Variants in SLC7A10 observed in about 807,000 individuals in gnomAD.
SLC7A10 encodes asc-type amino acid transporter 1.
A neutral mutation model predicts 52.7 loss-of-function variants in SLC7A10; 30 were observed. That is an observed-to-expected ratio of 0.57 (90% CI 0.43 to 0.77). The LOEUF is 0.77. SLC7A10 is among the 30% of genes least tolerant of loss of function. SLC7A10 has a pLI of 0.00. For missense variants in SLC7A10, 581 were observed against 698.5 expected, an observed-to-expected ratio of 0.83 and a Z score of 1.90; for synonymous variants, 318 against 314.9, an observed-to-expected ratio of 1.01 and a Z score of -0.10.
At chr19:33,218,476 T>C (rs1205720784) in intron 1 of SLC7A10, among the ~76,000 whole-genome samples, 4 of 151,738 alleles carry the variant, frequency 2.6e-5, no homozygotes, top group African/African-American at 7.3e-5. Context: ...TGTTTGAAGG[T>C]GGCAGAAAAT....
At chr19:33,215,021 C>CT (rs1974638051) in intron 2 of SLC7A10, among the ~76,000 whole-genome samples, 2 of 152,218 alleles carry the variant, frequency 1.3e-5, no homozygotes, top group South Asian at 4.1e-4. Context: ...AATCCTAGCA[C>CT]TTGGGAGGCT....
chr19:33,212,056 T>C (rs909548544), intron 5 of SLC7A10: 3 of 609,624 alleles, frequency 4.9e-6, no homozygotes, highest in Non-Finnish European at 5.8e-6. Flanking sequence ...ATGATGATAT[T>C]CAGCCTTTCT....
rs2303094 is a variant in SLC7A10, at chr19:33,209,375, C to T, written c.1374G>A (p.Thr458=). The stretch of plus-strand genomic sequence containing the variant: ...CTCCCAGAAAGAAAATGGGCACCCC[C>T]GTAAGGATGATGATGACGCCGACCC... ...VCGVGVIIIL[T]GVPIFFLGVF... Residue 458 remains threonine, a synonymous_variant, in exon 10 of 11, where the codon ACG becomes ACA. Coordinates refer to ENST00000253188, the MANE Select transcript of SLC7A10 (RefSeq NM_019849.3). 4.2e-5 allele frequency: 68 copies of T among 1,613,950 alleles called. No individual in the cohort carries two copies. Among genetic ancestry groups the T allele is most frequent in the Non-Finnish European group, 4.8e-5 (57 of 1,179,990 alleles).
chr19:33,215,199 C>A (rs1012611622), intron 2 of SLC7A10, among the ~76,000 whole-genome samples: 1 of 146,566 alleles, frequency 6.8e-6, no homozygotes, highest in African/African-American at 2.6e-5. Context: ...ACCTGGGAGG[C>A]AGAGGTTGCA....
rs2145473090 is a variant in SLC7A10, at chr19:33,211,715, C to A, written c.789-178G>T. ...GGACCCTGTTGTCTGCCCTGCCCCA[C>A]CCCCACCTGGACACAGGCTGGTAGG... On this transcript the variant is annotated intron_variant, in intron 5 of 10. Transcript: ENST00000253188. The A allele has an allele frequency of 2.5e-6, 3 of 1,204,078 alleles. No homozygotes were observed. In the East Asian group the frequency reaches 7.7e-5, roughly 31 times the overall value. 74.6% of individuals were successfully genotyped at this position (1,204,078 alleles called of 1,614,324 possible).
At chr19:33,212,669 A>G (rs1974581746) in intron 3 of SLC7A10, 30 bp from the exon 4 acceptor site, 1 of 1,613,230 alleles carries the variant, frequency 6.2e-7, no homozygotes, top group Non-Finnish European at 8.5e-7. Flanking sequence ...GTGGGCGCCG[A>G]GGCCGGGACC....
At chr19:33,212,055 T>C (rs186810933) in intron 5 of SLC7A10, 536 of 608,586 alleles carry the variant, frequency 8.8e-4, no homozygotes, top group Non-Finnish European at 1.3e-3. Flanking sequence ...GATGATGATA[T>C]TCAGCCTTTC....
chr19:33,222,524 A>G (rs1303392649), intron 1 of SLC7A10, among the ~76,000 whole-genome samples: 3 of 152,052 alleles, frequency 2.0e-5, no homozygotes. Flanking sequence ...AACAGAGCCC[A>G]AATCTGGTTC....
chr19:33,212,001 A>T, intron 5 of SLC7A10: 1 of 544,494 alleles, frequency 1.8e-6, no homozygotes, highest in South Asian at 2.1e-5. Context: ...GTGTATATGC[A>T]TAATTTTAGG....
chr19:33,225,758 C>T lies in SLC7A10; in HGVS notation c.-55G>A, dbSNP rs2145499945. On this transcript the variant is annotated 5_prime_UTR_variant, in exon 1 of 11. Coordinates refer to ENST00000253188, the MANE Select transcript of SLC7A10 (RefSeq NM_019849.3). ...GCGCTGCCCCGTCTGTCCGGCCGGC[C>T]GCCCGTCGGTCCGTCGGTCCGTGAG... is the stretch of plus-strand genomic sequence containing the variant. The T allele has an allele frequency of 1.4e-6, 2 of 1,448,280 alleles. No individual in the cohort carries two copies. Among genetic ancestry groups the T allele is most frequent in the East Asian group, 3.0e-5 (1 of 32,966 alleles). The allele number at this position is 1,448,280 out of a possible 1,614,324, so 89.7% of individuals were successfully genotyped here.
chr19:33,209,083 C>G (rs772303724), intron 10 of SLC7A10, 62 bp from the exon 11 acceptor site: 5 of 1,607,334 alleles, frequency 3.1e-6, no homozygotes, highest in Non-Finnish European at 4.2e-6. Flanking sequence ...CCCCCAGCTC[C>G]GGACACCTCC....
intron 5 of SLC7A10, 90 bp downstream of exon 5, chr19:33,212,202 C>A: frequency 6.5e-7 from 1 of 1,538,532 alleles, no homozygotes; most frequent in Non-Finnish European, 8.8e-7. Flanking sequence ...CAGCCCGAGC[C>A]TTGGGTGGCA....
intron 2 of SLC7A10, among the ~76,000 whole-genome samples, chr19:33,215,284 AAAAG>A (rs1325771358): frequency 7.7e-6 from 1 of 130,654 alleles, no homozygotes; most frequent in African/African-American, 2.7e-5. Flanking sequence ...AAAAAAAAAA[AAAAG>A]GACCTTATGC....
chr19:33,225,529 C>T lies in SLC7A10; in HGVS notation c.151+24G>A, dbSNP rs754501103. ...CCCCTCATTCGGCCTCCGCCCGGCG[C>T]CCGCCCGCCTGGGTCCCGCTCACCG... On this transcript the variant is annotated intron_variant, in intron 1 of 10. Coordinates refer to ENST00000253188, the MANE Select transcript of SLC7A10 (RefSeq NM_019849.3). The T allele has an allele frequency of 6.3e-6, 10 of 1,594,728 alleles. 1 individual carries two copies. The South Asian group carries it at 1.1e-4, about 18-fold the overall frequency.
chr19:33,212,306 C>T lies in SLC7A10; in HGVS notation c.774G>A (p.Met258Ile). Residue 258 changes from methionine to isoleucine, a missense_variant, in exon 5 of 11, where the codon ATG (methionine) becomes ATA (isoleucine). By Grantham distance (10) the Met-to-Ile change is conservative (BLOSUM62 1). Transcript: ENST00000253188. Reference sequence around the variant, plus strand: ...GCCCCACTCACTTTCGGGCGTCAACCATCTCCTCGGTGACATAGTTGAGGA... The same window carrying T: ...GCCCCACTCACTTTCGGGCGTCAACTATCTCCTCGGTGACATAGTTGAGGA... ...WNFLNYVTEE[M>I]VDARKNLPRA... 1 of 1,609,666 alleles carries T rather than the reference C, an allele frequency of 6.2e-7. No individual in the cohort carries two copies. The highest frequency in any genetic ancestry group is 8.5e-7 in the Non-Finnish European group (1 of 1,178,420).
Position 33,209,537 on chromosome 19 carries a change from TACCCCCGACCCCTGG to T in SLC7A10, c.1264-67_1264-53del, listed in dbSNP as rs766093223. 2.5e-6 allele frequency: 4 copies of T among 1,591,706 alleles called. No individual in the cohort carries two copies. In the South Asian group the frequency reaches 4.5e-5, roughly 18 times the overall value. On this transcript the variant is annotated intron_variant, in intron 9 of 10. Coordinates refer to ENST00000253188, the MANE Select transcript of SLC7A10 (RefSeq NM_019849.3). Reference sequence around the variant, plus strand: ...ATGGTGCAGGGCCTCCAGCTGTCTGTACCCCCGACCCCTGGGGGTCTGGGGAATTTTCCTCCCTTC... The same window carrying T: ...ATGGTGCAGGGCCTCCAGCTGTCTGTGGGTCTGGGGAATTTTCCTCCCTTC...
rs1974668039 is a variant in SLC7A10, at chr19:33,215,848, A to G, written c.277T>C (p.Tyr93His). 6 of 1,600,036 alleles carry G rather than the reference A, an allele frequency of 3.7e-6. No individual in the cohort carries two copies. Among genetic ancestry groups the G allele is most frequent in the Non-Finnish European group, 4.3e-6 (5 of 1,173,674 alleles). The change falls in exon 2 of 11, where the codon TAT becomes CAT. Residue 93 changes from tyrosine (Y) to histidine (H), a missense_variant. Coordinates refer to ENST00000253188, the MANE Select transcript of SLC7A10 (RefSeq NM_019849.3). ...GGVTALGSLC[Y>H]AELGVAIPKS... ...GGGATGGCGACTCCCAGCTCTGCAT[A>G]GCAGAGGGAGCCCAGAGCCGTCACG...
chr19:33,215,630 A>AG (rs1367786054), intron 2 of SLC7A10, 139 bp downstream of exon 2: 3,706 of 288,376 alleles, frequency 0.013, 221 homozygotes, highest in Middle Eastern at 0.039. Flanking sequence ...CTCTCCATCC[A>AG]CCCCCCACAC....
chr19:33,219,547 G>A (rs376703515), intron 1 of SLC7A10, among the ~76,000 whole-genome samples: 2 of 152,340 alleles, frequency 1.3e-5, no homozygotes, highest in East Asian at 3.9e-4. Flanking sequence ...TTCTGGACCC[G>A]ACTGTGTGAC....
Sources: gnomAD v4.1 joint callset for allele counts (sites outside exome capture counted in the v4.1 genomes callset) on GRCh38, gnomAD v4.1.1 for gene constraint, MANE v1.5 for transcripts, NCBI Gene and HGNC (gene_info 2026-07-23, HGNC 2026-07-21) for gene names.